Variants in ADAM18 observed in about 807,000 individuals in gnomAD.
ADAM18 encodes disintegrin and metalloproteinase domain-containing protein 18.
ADAM18 carries 117 observed loss-of-function variants against 94.4 expected under a neutral mutation model. The observed-to-expected ratio is 1.24, with a 90% CI of 1.07 to 1.45. ADAM18 has a LOEUF of 1.45. ADAM18 is among the 40% of genes most tolerant of loss of function. ADAM18 has a pLI of 0.00. For synonymous variants in ADAM18, 327 were observed against 291.6 expected (o/e 1.12, Z -1.24); for missense variants, 936 against 880.0 (o/e 1.06, Z -0.81).
In ADAM18 at chr8:39,708,701, G is replaced by A. The variant is rs35826541; in HGVS notation, c.2017+1797G>A. ...CAGGAGGGAGTGTGTGAGTGAATGA[G>A]GTGGGAACTGGAGTGCATGAGCACT... On this transcript the variant is annotated intron_variant, in intron 18 of 19. Transcript: ENST00000265707. Among the ~76,000 whole-genome samples the A allele has an allele frequency of 5.9e-5, 9 of 152,312 alleles. No individual in the cohort carries two copies. The South Asian group carries it at 1.9e-3, about 32-fold the overall frequency.
At chr8:39,713,896 T>A (rs1006738060) in intron 18 of ADAM18, among the ~76,000 whole-genome samples, 2 of 152,170 alleles carry the variant, frequency 1.3e-5, no homozygotes, top group African/African-American at 4.8e-5. Flanking sequence ...TCCTCAAGGA[T>A]CTAGATCTAG....
chr8:39,693,899 T>A (rs905555762), intron 17 of ADAM18, among the ~76,000 whole-genome samples: 1 of 151,284 alleles, frequency 6.6e-6, no homozygotes, highest in Non-Finnish European at 1.5e-5. Context: ...CAGGTCTCAA[T>A]AGACAGCTTT....
intron 10 of ADAM18, among the ~76,000 whole-genome samples, chr8:39,644,844 A>G (rs1820334260): frequency 6.6e-6 from 1 of 152,138 alleles, no homozygotes; most frequent in Admixed American, 6.6e-5. Context: ...TATTTTCTTA[A>G]AAGCATGTGT....
chr8:39,622,514 A>C (rs563781656), intron 6 of ADAM18, among the ~76,000 whole-genome samples: 1 of 151,854 alleles, frequency 6.6e-6, no homozygotes, highest in South Asian at 2.1e-4. Context: ...AATAAAGCAC[A>C]TGAGAATCTA....
chr8:39,706,013 G>T (rs180840116), intron 17 of ADAM18, among the ~76,000 whole-genome samples: 1 of 152,134 alleles, frequency 6.6e-6, no homozygotes, highest in Admixed American at 6.6e-5. Flanking sequence ...AACATCTTTA[G>T]CAGTTGGAAA....
intron 14 of ADAM18, among the ~76,000 whole-genome samples, chr8:39,675,632 A>G (rs1195967118): frequency 6.6e-6 from 1 of 152,158 alleles, no homozygotes; most frequent in Non-Finnish European, 1.5e-5. Flanking sequence ...CTGTCAACTC[A>G]TCAAAGTCAT....
At chr8:39,627,491 A>T (rs1819804256) in intron 6 of ADAM18, among the ~76,000 whole-genome samples, 2 of 151,936 alleles carry the variant, frequency 1.3e-5, no homozygotes, top group East Asian at 1.9e-4. Flanking sequence ...GTCTTTTAAA[A>T]CTGTTTTTGC....
At chr8:39,594,695 T>C (rs1818684191) in intron 2 of ADAM18, among the ~76,000 whole-genome samples, 1 of 151,874 alleles carries the variant, frequency 6.6e-6, no homozygotes, top group African/African-American at 2.4e-5. Flanking sequence ...TTGTTTTTTT[T>C]TCCCTAATGG....
intron 19 of ADAM18, among the ~76,000 whole-genome samples, chr8:39,725,208 C>T (rs1217701865): frequency 6.6e-6 from 1 of 151,954 alleles, no homozygotes; most frequent in African/African-American, 2.4e-5. Flanking sequence ...AATACGTATA[C>T]ATACTTAATA....
chr8:39,611,525 A>C, intron 6 of ADAM18: 1 of 985,320 alleles, frequency 1.0e-6, no homozygotes, highest in Non-Finnish European at 1.2e-6. Flanking sequence ...TTTGTAGTTC[A>C]TTATTGCCAA....
chr8:39,638,640 A>T (rs931147726), intron 10 of ADAM18, 94 bp downstream of exon 10: 6 of 648,460 alleles, frequency 9.3e-6, no homozygotes, highest in Non-Finnish European at 1.4e-5. Flanking sequence ...GTGTAAAACC[A>T]TTTGATCTTT....
At chr8:39,703,119 G>A (rs1350167195) in intron 17 of ADAM18, among the ~76,000 whole-genome samples, 1 of 152,184 alleles carries the variant, frequency 6.6e-6, no homozygotes, top group Non-Finnish European at 1.5e-5. Context: ...CCGTGAGCAT[G>A]GAATGTTTTT....
intron 2 of ADAM18, among the ~76,000 whole-genome samples, chr8:39,585,788 A>C (rs1273143455): frequency 6.6e-6 from 1 of 152,232 alleles, no homozygotes; most frequent in Non-Finnish European, 1.5e-5. Flanking sequence ...TTAAAAAAGC[A>C]AAGAAAAAAT....
intron 2 of ADAM18, among the ~76,000 whole-genome samples, chr8:39,594,546 G>A (rs1818678650): frequency 6.6e-6 from 1 of 151,830 alleles, no homozygotes. Flanking sequence ...AGAATGTCTT[G>A]ATTATCTCTT....
At chr8:39,624,817 C>A (rs1172920512) in intron 6 of ADAM18, among the ~76,000 whole-genome samples, 1 of 152,174 alleles carries the variant, frequency 6.6e-6, no homozygotes, top group Non-Finnish European at 1.5e-5. Flanking sequence ...TCTCTTTCTC[C>A]TGCTCCGTCC....
intron 3 of ADAM18, among the ~76,000 whole-genome samples, chr8:39,608,285 C>G (rs531427428): frequency 4.6e-5 from 7 of 151,922 alleles, no homozygotes; most frequent in East Asian, 3.9e-4. Flanking sequence ...CTAAATGTCT[C>G]CCTGTTTCTT....
At chr8:39,637,392 G>T in intron 8 of ADAM18, 57 bp downstream of exon 8, 5 of 1,525,498 alleles carry the variant, frequency 3.3e-6, no homozygotes, top group South Asian at 1.2e-5. Flanking sequence ...AATATAATTT[G>T]GGTTCTATCT....
intron 16 of ADAM18, among the ~76,000 whole-genome samples, chr8:39,685,574 T>C (rs886666056): frequency 6.6e-6 from 1 of 152,268 alleles, no homozygotes; most frequent in Admixed American, 6.5e-5. Flanking sequence ...TCACCTGGTT[T>C]CTAAACCTTC....
chr8:39,722,582 A>G (rs1395947745), intron 18 of ADAM18, among the ~76,000 whole-genome samples: 2 of 151,392 alleles, frequency 1.3e-5, no homozygotes, highest in Non-Finnish European at 1.5e-5. Context: ...TACAATGTAC[A>G]CTATTCCGAT....
Sources: allele counts gnomAD v4.1 joint callset (sites outside exome capture counted in the v4.1 genomes callset), GRCh38; gene constraint gnomAD v4.1.1; transcripts MANE v1.5; gene names NCBI Gene and HGNC (gene_info 2026-07-23, HGNC 2026-07-21).